The following HOMER2 variants were observed in gnomAD, a reference collection of about 807,000 sequenced individuals.
The protein encoded by HOMER2 is homer scaffold protein 2.
A neutral mutation model predicts 47.0 loss-of-function variants in HOMER2; 27 were observed. That is an observed-to-expected ratio of 0.57 (90% CI 0.42 to 0.79). The LOEUF (loss-of-function observed/expected upper bound fraction) is 0.79. Ranked by LOEUF, HOMER2 falls within the 30% of genes least tolerant of loss-of-function variation. HOMER2 has a pLI of 0.00. For synonymous variants in HOMER2, 161 were observed against 163.8 expected, an observed-to-expected ratio of 0.98 and a Z score of 0.13; for missense variants, 443 against 435.0, an observed-to-expected ratio of 1.02 and a Z score of -0.16.
intron 1 of HOMER2, among the ~76,000 whole-genome samples, chr15:82,910,421 G>A (rs1444349714): frequency 6.6e-6 from 1 of 152,114 alleles, no homozygotes; most frequent in African/African-American, 2.4e-5. Flanking sequence ...TTTCCTTAGG[G>A]GTATTTATGG....
At chr15:82,964,816 T>G (rs1206298537) in intron 1 of HOMER2, among the ~76,000 whole-genome samples, 1 of 152,118 alleles carries the variant, frequency 6.6e-6, no homozygotes, top group Non-Finnish European at 1.5e-5. Context: ...TAATCCCTAT[T>G]TATCTTCACT....
intron 1 of HOMER2, among the ~76,000 whole-genome samples, chr15:82,975,881 G>A (rs1287617957): frequency 6.6e-6 from 1 of 152,138 alleles, no homozygotes; most frequent in Non-Finnish European, 1.5e-5. Flanking sequence ...GTAACACAAA[G>A]GATAAATGCT....
intron 3 of HOMER2, among the ~76,000 whole-genome samples, chr15:82,868,268 C>A (rs2052044201): frequency 6.6e-6 from 1 of 151,266 alleles, no homozygotes; most frequent in Non-Finnish European, 1.5e-5. Context: ...AATGTTCTCC[C>A]ATTCTGTAGG....
Position 82,948,227 on chromosome 15 carries a change from T to C in HOMER2, c.5+4304A>G, listed in dbSNP as rs1385823099. Among the ~76,000 whole-genome samples, 3 of 152,036 alleles carry C rather than the reference T, an allele frequency of 2.0e-5. No individual in the cohort carries two copies. The East Asian group carries it at 5.8e-4, about 29-fold the overall frequency. On this transcript the variant is annotated intron_variant, in intron 1 of 8. Transcript: ENST00000450735. ...TAACACGATGAAACCCCGTCTCTAC[T>C]AAAAATACAAAAAATTAGCTGGGCG...
At chr15:82,956,183 T>G (rs1328391751), upstream of HOMER2, among the ~76,000 whole-genome samples, 1 of 146,794 alleles carries the variant, frequency 6.8e-6, no homozygotes, top group Admixed American at 7.1e-5. Context: ...GAGGTTGCAG[T>G]GAGCTGAGAT....
At chr15:82,948,157 C>T (rs893961031) in intron 1 of HOMER2, among the ~76,000 whole-genome samples, 4 of 151,728 alleles carry the variant, frequency 2.6e-5, no homozygotes, top group Non-Finnish European at 4.4e-5. Context: ...TTTGGGAGGC[C>T]GGGGCAGGCG....
At chr15:82,957,900 C>G (rs556051835), downstream of HOMER2, among the ~76,000 whole-genome samples, 4 of 152,106 alleles carry the variant, frequency 2.6e-5, no homozygotes, top group African/African-American at 7.2e-5. Flanking sequence ...TGCAGTGGCG[C>G]GACCTCCACT....
At chr15:82,981,969 C>G (rs1197217828) in intron 1 of HOMER2, among the ~76,000 whole-genome samples, 1 of 152,142 alleles carries the variant, frequency 6.6e-6, no homozygotes, top group Non-Finnish European at 1.5e-5. Flanking sequence ...TGTCAATGAC[C>G]TGTGCACTTA....
At chr15:82,900,883 T>C (rs2053092008) in intron 1 of HOMER2, among the ~76,000 whole-genome samples, 2 of 152,224 alleles carry the variant, frequency 1.3e-5, no homozygotes, top group Admixed American at 6.5e-5. Context: ...AAATTAGTGA[T>C]CTGATAGAAG....
chr15:82,955,189 A>C (rs1423225033), upstream of HOMER2, among the ~76,000 whole-genome samples: 2 of 108,378 alleles, frequency 1.8e-5, no homozygotes, highest in Non-Finnish European at 3.6e-5. Flanking sequence ...TTTTTTTTTG[A>C]GACGGAGTCT....
At chr15:82,957,589 G>A (rs1426711714), upstream of HOMER2, among the ~76,000 whole-genome samples, 1 of 152,024 alleles carries the variant, frequency 6.6e-6, no homozygotes. Context: ...ATAGATTCAG[G>A]ACCCCTCTAC....
At chr15:82,973,257 A>G (rs1175504108) in intron 1 of HOMER2, among the ~76,000 whole-genome samples, 3 of 152,172 alleles carry the variant, frequency 2.0e-5, no homozygotes, top group Non-Finnish European at 2.9e-5. Flanking sequence ...ATATGCCTCA[A>G]ATATGTTTTT....
At chr15:82,955,619 A>G (rs570992857), upstream of HOMER2, among the ~76,000 whole-genome samples, 1 of 152,320 alleles carries the variant, frequency 6.6e-6, no homozygotes, top group South Asian at 2.1e-4. Flanking sequence ...ACTGCATATG[A>G]AACAAATGTA....
chr15:82,948,110 G>T (rs533271984), intron 1 of HOMER2, among the ~76,000 whole-genome samples: 1 of 152,234 alleles, frequency 6.6e-6, no homozygotes, highest in East Asian at 1.9e-4. Context: ...AGCTGGGTGT[G>T]GCCGGGCATG....
rs150874084 is a variant in HOMER2 at position 82,865,266 on chromosome 15, G to T, written c.295-1007C>A. ...CATTACCTGTTGCTTAAAACACGAG[G>T]TCCAGCAGGGATGCACAAAGCCTCC... On this transcript the variant is annotated intron_variant, in intron 3 of 8. Transcript: ENST00000450735. Among the ~76,000 whole-genome samples, 938 of 152,280 alleles carry T rather than the reference G, an allele frequency of 6.2e-3. 11 individuals are homozygous for T. The highest frequency in any genetic ancestry group is 6.2e-3 in the Non-Finnish European group (425 of 68,014).
chr15:82,863,344 C>T (rs371035374), intron 4 of HOMER2, among the ~76,000 whole-genome samples: 3 of 152,176 alleles, frequency 2.0e-5, no homozygotes, highest in Admixed American at 1.3e-4. Flanking sequence ...ACACTTCCAA[C>T]GTCCACCAAC....
chr15:82,892,642 G>T, intron 2 of HOMER2, 43 bp downstream of exon 2: 4 of 1,418,802 alleles, frequency 2.8e-6, no homozygotes, highest in Non-Finnish European at 2.8e-6. Context: ...TTGGATGAAA[G>T]ATAAGCAACT....
intron 4 of HOMER2, among the ~76,000 whole-genome samples, chr15:82,863,372 A>G (rs1441084386): frequency 6.6e-6 from 1 of 152,158 alleles, no homozygotes; most frequent in Non-Finnish European, 1.5e-5. Flanking sequence ...GAATAATTAA[A>G]CAAGTAGCTA....
chr15:82,921,414 G>A (rs1678347110), intron 1 of HOMER2, among the ~76,000 whole-genome samples: 1 of 152,144 alleles, frequency 6.6e-6, no homozygotes, highest in African/African-American at 2.4e-5. Flanking sequence ...TGGTGCTGGA[G>A]CACGTCACAC....
Sources: allele counts gnomAD v4.1 joint callset (sites outside exome capture counted in the v4.1 genomes callset), GRCh38; gene constraint gnomAD v4.1.1; transcripts MANE v1.5; gene names NCBI Gene and HGNC (gene_info 2026-07-23, HGNC 2026-07-21).